The following ITGA8 variants were observed in gnomAD, a reference collection of about 807,000 sequenced individuals.
ITGA8 encodes integrin subunit alpha 8.
Under a neutral mutation model 142.3 loss-of-function variants are expected in ITGA8, and 91 were observed. The ratio of observed to expected loss-of-function variants is 0.64; its 90% confidence interval spans 0.54 to 0.76. ITGA8 has a LOEUF of 0.76. Among genes scored for constraint, ITGA8 ranks in the 30% least tolerant of loss-of-function variants. The pLI is 0.00. For synonymous variants in ITGA8, 505 were observed against 485.2 expected, an observed-to-expected ratio of 1.04 and a Z score of -0.54; for missense variants, 1,406 against 1,327.7, an observed-to-expected ratio of 1.06 and a Z score of -0.92.
At chr10:15,663,706 TG>T (rs1834333241) in intron 8 of ITGA8, among the ~76,000 whole-genome samples, 1 of 152,064 alleles carries the variant, frequency 6.6e-6, no homozygotes, top group Non-Finnish European at 1.5e-5. Context: ...CCTCTTAAGC[TG>T]GGACTACAGG....
intron 26 of ITGA8, among the ~76,000 whole-genome samples, chr10:15,549,944 T>C (rs1040793170): frequency 2.6e-5 from 4 of 152,196 alleles, no homozygotes; most frequent in African/African-American, 7.2e-5. Flanking sequence ...CTTGGGCTAC[T>C]AGAGTTGGGT....
At chr10:15,710,960 T>C (rs1835352890) in intron 2 of ITGA8, among the ~76,000 whole-genome samples, 1 of 152,216 alleles carries the variant, frequency 6.6e-6, no homozygotes, top group Admixed American at 6.5e-5. Context: ...TTCAAATTTA[T>C]GTCCTTATGT....
intron 8 of ITGA8, among the ~76,000 whole-genome samples, chr10:15,666,579 G>A (rs993960698): frequency 2.0e-5 from 3 of 151,802 alleles, no homozygotes; most frequent in African/African-American, 7.2e-5. Flanking sequence ...ATGAGAGAGG[G>A]CATCCCTGTC....
chr10:15,531,242 T>C (rs1317999241), intron 27 of ITGA8, 91 bp from the exon 28 acceptor site: 2 of 640,948 alleles, frequency 3.1e-6, no homozygotes, highest in Non-Finnish European at 4.8e-6. Context: ...GTGTTTTGCA[T>C]TTCAAGGCAA....
intron 11 of ITGA8, among the ~76,000 whole-genome samples, chr10:15,651,817 C>G (rs762246209): frequency 1.3e-5 from 2 of 152,100 alleles, no homozygotes; most frequent in Non-Finnish European, 2.9e-5. Context: ...TAATTTCAGA[C>G]TTCACTTGAG....
chr10:15,577,865 C>A (rs1005285323), intron 23 of ITGA8, among the ~76,000 whole-genome samples: 2 of 152,076 alleles, frequency 1.3e-5, no homozygotes, highest in African/African-American at 2.4e-5. Context: ...CAGTAAGACC[C>A]TCAGATAAGA....
In ITGA8 at chr10:15,665,832, T is replaced by A. The variant is rs558548737; in HGVS notation, c.848-4910A>T. ...GTCAAAGATCAGATAGTTGTAGATA[T>A]GCGGCATTATTTCTGAGGGCTCTGT... On this transcript the variant is annotated intron_variant, in intron 8 of 29. Coordinates refer to ENST00000378076, the MANE Select transcript of ITGA8 (RefSeq NM_003638.3). Among the ~76,000 whole-genome samples the A allele has an allele frequency of 6.6e-5, 10 of 152,236 alleles. No individual in the cohort carries two copies. In the East Asian group the frequency reaches 7.7e-4, roughly 12 times the overall value.
chr10:15,639,232 C>A (rs532294439), intron 13 of ITGA8, among the ~76,000 whole-genome samples: 1 of 152,216 alleles, frequency 6.6e-6, no homozygotes, highest in African/African-American at 2.4e-5. Context: ...AGAACAGCGG[C>A]TGGTGGGTTT....
chr10:15,520,910 G>A (rs544451494), intron 28 of ITGA8, among the ~76,000 whole-genome samples: 2 of 152,296 alleles, frequency 1.3e-5, no homozygotes, highest in African/African-American at 2.4e-5. Context: ...TAAGGTTGGC[G>A]GCTCTGAGAT....
intron 13 of ITGA8, among the ~76,000 whole-genome samples, chr10:15,636,734 C>G (rs1010453470): frequency 6.6e-6 from 1 of 152,106 alleles, no homozygotes; most frequent in African/African-American, 2.4e-5. Flanking sequence ...TTTCAATTTC[C>G]ACTGTCATTA....
chr10:15,709,854 A>G (rs1835331872), intron 2 of ITGA8, among the ~76,000 whole-genome samples: 1 of 152,144 alleles, frequency 6.6e-6, no homozygotes, highest in Non-Finnish European at 1.5e-5. Flanking sequence ...TTTTACACAT[A>G]CTGTTACTGA....
At chr10:15,611,949 C>T (rs1395179256) in intron 15 of ITGA8, among the ~76,000 whole-genome samples, 1 of 152,120 alleles carries the variant, frequency 6.6e-6, no homozygotes, top group Non-Finnish European at 1.5e-5. Context: ...GCCTAGAAGT[C>T]CATTCTGTTA....
At chr10:15,658,665 T>C (rs1160547568) in intron 10 of ITGA8, among the ~76,000 whole-genome samples, 2 of 152,180 alleles carry the variant, frequency 1.3e-5, no homozygotes, top group Non-Finnish European at 2.9e-5. Context: ...GATCACCCCA[T>C]CCAAAGGCTT....
At chr10:15,661,703 A>G (rs1206580728) in intron 8 of ITGA8, among the ~76,000 whole-genome samples, 4 of 152,106 alleles carry the variant, frequency 2.6e-5, no homozygotes, top group Admixed American at 2.6e-4. Context: ...TCCGTCTCAG[A>G]GTCAAGGGAG....
rs1832955436 is a variant in ITGA8 at position 15,515,924 on chromosome 10, T to C, written c.*1234A>G. 6.6e-6 allele frequency: 1 copy of C among 152,146 alleles called. No individual in the cohort carries two copies. Among genetic ancestry groups the C allele is most frequent in the Admixed American group, 6.5e-5 (1 of 15,272 alleles). The allele number at this position is 152,146 out of a possible 1,614,324, so 9.4% of individuals were successfully genotyped here. Reference sequence around the variant, plus strand: ...TATAAAGATTAGCAGTAAAAATAAGTAATAAAGTTGGAATAAGCAATTTTA... The same window carrying C: ...TATAAAGATTAGCAGTAAAAATAAGCAATAAAGTTGGAATAAGCAATTTTA... On this transcript the variant is annotated 3_prime_UTR_variant, in exon 30 of 30. Coordinates refer to ENST00000378076, the MANE Select transcript of ITGA8 (RefSeq NM_003638.3).
Position 15,707,025 on chromosome 10 carries a change from C to G in ITGA8, c.343+11741G>C, listed in dbSNP as rs960414037. 7.2e-5 allele frequency among the ~76,000 whole-genome samples: 11 copies of G among 152,296 alleles called. No homozygotes were observed. In the East Asian group the frequency reaches 2.1e-3, roughly 29 times the overall value. ...ACCTAGAACATGTCTCCCTTGGATA[C>G]CACCTGGCTCCTTTCCTCACTCAAA... On this transcript the variant is annotated intron_variant, in intron 2 of 29. Coordinates refer to ENST00000378076, the MANE Select transcript of ITGA8 (RefSeq NM_003638.3).
At chr10:15,669,772 G>A (rs1834473125) in intron 8 of ITGA8, among the ~76,000 whole-genome samples, 1 of 152,128 alleles carries the variant, frequency 6.6e-6, no homozygotes, top group Non-Finnish European at 1.5e-5. Flanking sequence ...GTTTGCTAGA[G>A]GTCCACTCCA....
intron 2 of ITGA8, among the ~76,000 whole-genome samples, chr10:15,704,496 C>A (rs749227766): frequency 2.0e-5 from 3 of 152,168 alleles, no homozygotes; most frequent in Non-Finnish European, 4.4e-5. Context: ...TCACTCTCAA[C>A]CACGATGGTT....
At chr10:15,577,877 G>A (rs537685326) in intron 23 of ITGA8, among the ~76,000 whole-genome samples, 1 of 152,264 alleles carries the variant, frequency 6.6e-6, no homozygotes, top group East Asian at 1.9e-4. Context: ...CAGATAAGAA[G>A]AAGACTGGGG....
Sources: gnomAD v4.1 joint callset for allele counts (sites outside exome capture counted in the v4.1 genomes callset) on GRCh38, gnomAD v4.1.1 for gene constraint, MANE v1.5 for transcripts, NCBI Gene and HGNC (gene_info 2026-07-23, HGNC 2026-07-21) for gene names.